The following EYS variants were observed in gnomAD, a reference collection of about 807,000 sequenced individuals.
The protein encoded by EYS is EGF-like photoreceptor maintenance factor, also known as protein eyes shut homolog.
In EYS, 250 loss-of-function variants were observed where a neutral mutation model predicts 282.1. The observed-to-expected ratio is 0.89, with a 90% CI of 0.80 to 0.98. EYS has a LOEUF of 0.98. Ranked by LOEUF, EYS falls within the 50% of genes least tolerant of loss-of-function variation. EYS has a pLI of 0.00. For missense variants in EYS, 4,016 were observed against 3,709.0 expected (o/e 1.08, Z -2.15); for synonymous variants, 1,355 against 1,282.9 (o/e 1.06, Z -1.20).
chr6:65,259,414 T>G (rs551596885), intron 12 of EYS, among the ~76,000 whole-genome samples: 6 of 152,070 alleles, frequency 3.9e-5, no homozygotes, highest in Non-Finnish European at 5.9e-5. Flanking sequence ...GGTGTTAATC[T>G]TCTAAGATTT....
chr6:64,175,405 G>A (rs745369717), intron 31 of EYS, among the ~76,000 whole-genome samples: 16 of 152,296 alleles, frequency 1.1e-4, no homozygotes, highest in Non-Finnish European at 2.1e-4. Flanking sequence ...AAGGAAAGGA[G>A]AGAAAACCAA....
At chr6:64,867,082 A>T (rs932695117) in intron 19 of EYS, among the ~76,000 whole-genome samples, 2 of 151,874 alleles carry the variant, frequency 1.3e-5, no homozygotes, top group Non-Finnish European at 3.0e-5. Context: ...AATTTAGAAC[A>T]TAGCTATCAT....
At chr6:65,687,392 GAAT>G (rs1769061738) in intron 1 of EYS, among the ~76,000 whole-genome samples, 1 of 151,994 alleles carries the variant, frequency 6.6e-6, no homozygotes, top group Admixed American at 6.6e-5. Flanking sequence ...GAAAAAATCT[GAAT>G]AATTTAGGGA....
At chr6:65,439,796 T>C (rs1278053742) in intron 5 of EYS, among the ~76,000 whole-genome samples, 2 of 152,248 alleles carry the variant, frequency 1.3e-5, no homozygotes, top group East Asian at 1.9e-4. Context: ...CCAGTTCTCA[T>C]TCCTGTATTT....
intron 12 of EYS, among the ~76,000 whole-genome samples, chr6:65,149,011 C>T (rs749912582): frequency 6.6e-6 from 1 of 152,040 alleles, no homozygotes; most frequent in Non-Finnish European, 1.5e-5. Context: ...GCCCAGGAAA[C>T]ATTTTTCCCA....
chr6:64,189,471 G>T (rs546728233), intron 31 of EYS, among the ~76,000 whole-genome samples: 1 of 152,316 alleles, frequency 6.6e-6, no homozygotes, highest in South Asian at 2.1e-4. Context: ...ATTGCCCATG[G>T]CTGCTTGACA....
At chr6:64,195,394 C>A (rs1334493011) in intron 31 of EYS, among the ~76,000 whole-genome samples, 5 of 152,180 alleles carry the variant, frequency 3.3e-5, no homozygotes. Context: ...CCTCCACCTC[C>A]CAAGTTCAAG....
intron 37 of EYS, among the ~76,000 whole-genome samples, chr6:63,795,352 A>T (rs1208381231): frequency 6.6e-6 from 1 of 152,112 alleles, no homozygotes; most frequent in African/African-American, 2.4e-5. Flanking sequence ...ATTGTTAGGG[A>T]TGGGAATGAT....
intron 26 of EYS, among the ~76,000 whole-genome samples, chr6:64,514,576 G>A (rs1777505307): frequency 6.6e-6 from 1 of 151,784 alleles, no homozygotes; most frequent in South Asian, 2.1e-4. Context: ...GTCCACCTGT[G>A]TCCAGCTGTT....
chr6:65,317,842 CT>C (rs1268237256), intron 11 of EYS, among the ~76,000 whole-genome samples: 5 of 50,096 alleles, frequency 1.0e-4, no homozygotes, highest in South Asian at 6.4e-4. Context: ...TTCTTTCTTT[CT>C]TTCTTTCTTT....
chr6:64,689,816 A>C (rs980574084), intron 22 of EYS, among the ~76,000 whole-genome samples: 4 of 152,220 alleles, frequency 2.6e-5, no homozygotes, highest in African/African-American at 4.8e-5. Flanking sequence ...CACCTTATGC[A>C]AAAATCAATT....
chr6:64,030,015 C>G (rs1044560745), intron 33 of EYS, among the ~76,000 whole-genome samples: 5 of 152,018 alleles, frequency 3.3e-5, no homozygotes, highest in Middle Eastern at 3.5e-3. Flanking sequence ...CCAAAGCAAT[C>G]AAAATGGGAA....
At chr6:64,056,768 T>C (rs3003680) in intron 33 of EYS, among the ~76,000 whole-genome samples, 4,659 of 152,288 alleles carry the variant, frequency 0.031, 240 homozygotes, top group African/African-American at 0.096. Context: ...TGGTGGGAGC[T>C]GTACTTAGGT....
chr6:63,980,782 G>A (rs1411961883), intron 35 of EYS, among the ~76,000 whole-genome samples: 1 of 151,806 alleles, frequency 6.6e-6, no homozygotes, highest in African/African-American at 2.4e-5. Context: ...CAGATGGCAT[G>A]GACTGAGGGA....
chr6:64,548,498 A>G (rs1355297265), intron 26 of EYS, among the ~76,000 whole-genome samples: 1 of 152,216 alleles, frequency 6.6e-6, no homozygotes, highest in African/African-American at 2.4e-5. Context: ...CTATTCAGTC[A>G]TAAAAAAGGA....
At chr6:64,439,992 C>G (rs1020135241) in intron 26 of EYS, among the ~76,000 whole-genome samples, 2 of 139,604 alleles carry the variant, frequency 1.4e-5, no homozygotes, top group African/African-American at 4.9e-5. Context: ...ATTATTAAAT[C>G]ATTTTTTTTT....
chr6:65,161,533 C>T (rs984337851), intron 12 of EYS, among the ~76,000 whole-genome samples: 1 of 150,896 alleles, frequency 6.6e-6, no homozygotes, highest in African/African-American at 2.4e-5. Flanking sequence ...TAATTCTTAT[C>T]ATATAATAAA....
At chr6:65,351,034 T>A (rs1260280414) in intron 9 of EYS, among the ~76,000 whole-genome samples, 1 of 151,788 alleles carries the variant, frequency 6.6e-6, no homozygotes, top group Non-Finnish European at 1.5e-5. Context: ...ATGGCAATTA[T>A]CAAAAGAAAT....
chr6:65,229,847 T>A, intron 12 of EYS, among the ~76,000 whole-genome samples: 1 of 152,002 alleles, frequency 6.6e-6, no homozygotes, highest in East Asian at 1.9e-4. Flanking sequence ...AAGACAATTC[T>A]CCTTTATTGT....
Sources: gnomAD v4.1 joint callset for allele counts (sites outside exome capture counted in the v4.1 genomes callset) on GRCh38, gnomAD v4.1.1 for gene constraint, MANE v1.5 for transcripts, NCBI Gene and HGNC (gene_info 2026-07-23, HGNC 2026-07-21) for gene names.